The following FBLN7 variants were observed in gnomAD, a reference collection of about 807,000 sequenced individuals.
FBLN7 encodes the protein fibulin 7, also known as fibulin-7.
In FBLN7, 31 loss-of-function variants were observed where a neutral mutation model predicts 44.0. That is an observed-to-expected ratio of 0.70 (90% CI 0.53 to 0.95). The LOEUF (loss-of-function observed/expected upper bound fraction) is 0.95. Ranked by LOEUF, FBLN7 falls within the 40% of genes least tolerant of loss-of-function variation. The pLI, the probability that FBLN7 is intolerant of heterozygous loss-of-function variation, is 0.00. For missense variants in FBLN7, 573 were observed against 618.5 expected, an observed-to-expected ratio of 0.93 and a Z score of 0.78; for synonymous variants, 262 against 253.4, an observed-to-expected ratio of 1.03 and a Z score of -0.32.
intron 3 of FBLN7, among the ~76,000 whole-genome samples, chr2:112,174,479 A>G (rs1410483256): frequency 6.6e-6 from 1 of 152,214 alleles, no homozygotes; most frequent in East Asian, 1.9e-4. Flanking sequence ...TGTCGTTCTC[A>G]TTAGGAGCAA....
intron 1 of FBLN7, among the ~76,000 whole-genome samples, chr2:112,157,024 G>GT (rs1438353371): frequency 6.6e-6 from 1 of 152,032 alleles, no homozygotes; most frequent in Non-Finnish European, 1.5e-5. Context: ...ATTTTAGAGA[G>GT]TTTTTTTGAA....
At chr2:112,218,150 C>G in the FBLN7 span, among the ~76,000 whole-genome samples, 2 of 152,196 alleles carry the variant, frequency 1.3e-5, no homozygotes, top group Non-Finnish European at 2.9e-5. Context: ...CTTAGGAATA[C>G]AGTTGCAGAA....
the FBLN7 span, among the ~76,000 whole-genome samples, chr2:112,244,210 T>C: frequency 4.6e-5 from 7 of 152,214 alleles, no homozygotes; most frequent in Non-Finnish European, 8.8e-5. Context: ...TAGAATGAAA[T>C]TGGTAAATTT....
the FBLN7 span, chr2:112,212,795 T>A: frequency 6.6e-6 from 1 of 152,188 alleles, no homozygotes; most frequent in Non-Finnish European, 1.5e-5. Context: ...TTAAAATGCA[T>A]AGACACAATC....
At chr2:112,165,573 G>A (rs896249986) in intron 3 of FBLN7, among the ~76,000 whole-genome samples, 3 of 152,174 alleles carry the variant, frequency 2.0e-5, no homozygotes, top group African/African-American at 7.2e-5. Context: ...ATCAATGTGA[G>A]GGCAAGAAGC....
the FBLN7 span, among the ~76,000 whole-genome samples, chr2:112,201,423 T>C: frequency 1.3e-5 from 2 of 152,338 alleles, no homozygotes; most frequent in African/African-American, 4.8e-5. Context: ...GGTCTCGCAT[T>C]TGTTCCAGGG....
chr2:112,239,397 G>A, the FBLN7 span, among the ~76,000 whole-genome samples: 3 of 152,046 alleles, frequency 2.0e-5, no homozygotes, highest in African/African-American at 4.8e-5. Flanking sequence ...CTGATGTCAC[G>A]AAGAAATGGC....
chr2:112,221,206 C>T, the FBLN7 span, among the ~76,000 whole-genome samples: 1 of 152,056 alleles, frequency 6.6e-6, no homozygotes, highest in Non-Finnish European at 1.5e-5. Flanking sequence ...ATTGTAATCC[C>T]CAGTGTTGAA....
the FBLN7 span, among the ~76,000 whole-genome samples, chr2:112,244,657 CTG>C: frequency 7.9e-5 from 12 of 152,302 alleles, no homozygotes; most frequent in East Asian, 1.7e-3. Context: ...CTCTGTGTCT[CTG>C]TGTCACATTT....
intron 4 of FBLN7, chr2:112,177,375 A>G (rs1237368358): frequency 6.6e-6 from 1 of 152,284 alleles, no homozygotes; most frequent in Non-Finnish European, 1.5e-5. Context: ...CATAGTCTCC[A>G]TGAACAGCCA....
intron 1 of FBLN7, among the ~76,000 whole-genome samples, chr2:112,143,802 C>G (rs541162332): frequency 6.6e-6 from 1 of 152,152 alleles, no homozygotes; most frequent in African/African-American, 2.4e-5. Flanking sequence ...AGGCTGGTCT[C>G]GAACTCCTGG....
At chr2:112,161,119 C>T (rs1382138643) in intron 2 of FBLN7, among the ~76,000 whole-genome samples, 2 of 152,206 alleles carry the variant, frequency 1.3e-5, no homozygotes, top group African/African-American at 2.4e-5. Flanking sequence ...GCTTTCACAC[C>T]GCCAAGACCC....
chr2:112,195,832 G>C, the FBLN7 span, among the ~76,000 whole-genome samples: 1 of 152,246 alleles, frequency 6.6e-6, no homozygotes, highest in Admixed American at 6.5e-5. Flanking sequence ...TGTGGGCAAG[G>C]TGATGGACAA....
chr2:112,240,065 C>A, the FBLN7 span, among the ~76,000 whole-genome samples: 2 of 152,194 alleles, frequency 1.3e-5, no homozygotes, highest in Admixed American at 6.5e-5. Context: ...GACTATCAAC[C>A]AATTATCTTC....
At chr2:112,214,452 T>G in the FBLN7 span, 3 of 152,106 alleles carry the variant, frequency 2.0e-5, no homozygotes, top group Non-Finnish European at 4.4e-5. Context: ...TTCTCCTGGT[T>G]TGAATTTTTT....
At chr2:112,194,007 G>A in the FBLN7 span, among the ~76,000 whole-genome samples, 5 of 152,114 alleles carry the variant, frequency 3.3e-5, no homozygotes, top group Admixed American at 2.0e-4. Context: ...TCATGGATTC[G>A]GTGGGCCAGT....
At chr2:112,199,352 C>T in the FBLN7 span, among the ~76,000 whole-genome samples, 1 of 152,290 alleles carries the variant, frequency 6.6e-6, no homozygotes, top group South Asian at 2.1e-4. Flanking sequence ...AAAAATTGCT[C>T]TATTGGCAGC....
At position 112,138,633 on chromosome 2, in the gene FBLN7, G is replaced by A. The variant is rs764741319; in HGVS notation, c.-23G>A. 1 of 1,613,734 alleles carries A rather than the reference G, an allele frequency of 6.2e-7. No individual in the cohort carries two copies. The highest frequency in any genetic ancestry group is 1.3e-5 in the African/African-American group (1 of 74,914). On this transcript the variant is annotated 5_prime_UTR_variant, in exon 1 of 8. Coordinates refer to ENST00000331203, the MANE Select transcript of FBLN7 (RefSeq NM_153214.3). ...GAGGCAAAGTTATTTCCCCTCCCAG[G>A]CAGCGGGATTCCGACTGGCAAGATG...
intron 1 of FBLN7, among the ~76,000 whole-genome samples, chr2:112,142,742 GT>G (rs1380655939): frequency 6.7e-6 from 1 of 149,088 alleles, no homozygotes; most frequent in Non-Finnish European, 1.5e-5. Flanking sequence ...CAGCGCAAGA[GT>G]AATATCATGA....
Sources: allele counts gnomAD v4.1 joint callset (sites outside exome capture counted in the v4.1 genomes callset), GRCh38; gene constraint gnomAD v4.1.1; transcripts MANE v1.5; gene names NCBI Gene and HGNC (gene_info 2026-07-23, HGNC 2026-07-21).